Variants in ESRRG observed in about 807,000 individuals in gnomAD.
ESRRG encodes estrogen related receptor gamma.
A neutral mutation model predicts 44.0 loss-of-function variants in ESRRG; 13 were observed. The observed-to-expected ratio is 0.30, with a 90% confidence interval of 0.19 to 0.47. The LOEUF is 0.47. ESRRG is among the 20% of genes least tolerant of loss of function. ESRRG has a pLI of 1.00. For missense variants in ESRRG, 395 were observed against 580.6 expected (o/e 0.68, Z 3.29); for synonymous variants, 215 against 214.6 (o/e 1.00, Z -0.02).
chr1:216,755,793 T>G (rs907466308), intron 2 of ESRRG, among the ~76,000 whole-genome samples: 13 of 152,066 alleles, frequency 8.5e-5, no homozygotes, highest in Non-Finnish European at 1.8e-4. Context: ...TGCTAAGGAT[T>G]TACTTTGCAA....
chr1:216,799,501 C>T (rs973184374), intron 2 of ESRRG, among the ~76,000 whole-genome samples: 1 of 151,988 alleles, frequency 6.6e-6, no homozygotes, highest in Non-Finnish European at 1.5e-5. Flanking sequence ...CCTCCAGGAG[C>T]TCACAATTTA....
intron 1 of ESRRG, among the ~76,000 whole-genome samples, chr1:216,945,016 A>G (rs1479110331): frequency 6.6e-6 from 1 of 152,138 alleles, no homozygotes; most frequent in Non-Finnish European, 1.5e-5. Context: ...ATGACATAAC[A>G]CTTCTGATGA....
intron 2 of ESRRG, among the ~76,000 whole-genome samples, chr1:216,798,784 T>C (rs1373255462): frequency 3.3e-5 from 5 of 152,136 alleles, no homozygotes; most frequent in African/African-American, 1.2e-4. Context: ...TCTCTTACCT[T>C]AGTTTCTTCA....
chr1:216,919,205 TGCTCA>T (rs2061537555), intron 2 of ESRRG, among the ~76,000 whole-genome samples: 1 of 152,136 alleles, frequency 6.6e-6, no homozygotes, highest in Non-Finnish European at 1.5e-5. Context: ...AGGCCTCACG[TGCTCA>T]TTGGCTCTGG....
At chr1:217,125,283 T>C (rs1294991498) in intron 1 of ESRRG, among the ~76,000 whole-genome samples, 1 of 152,176 alleles carries the variant, frequency 6.6e-6, no homozygotes. Flanking sequence ...GACCTAGCAG[T>C]TGTTGTCTGT....
intron 2 of ESRRG, among the ~76,000 whole-genome samples, chr1:216,767,407 G>A (rs139294077): frequency 2.0e-5 from 3 of 152,198 alleles, no homozygotes; most frequent in African/African-American, 4.8e-5. Context: ...TATGTTAACT[G>A]CAATCTAATC....
intron 2 of ESRRG, among the ~76,000 whole-genome samples, chr1:216,841,258 C>T (rs1361347809): frequency 2.6e-5 from 4 of 151,912 alleles, no homozygotes; most frequent in African/African-American, 4.8e-5. Flanking sequence ...GAGAGAAACA[C>T]GCACACTCAG....
chr1:217,058,856 T>A (rs868172403), intron 1 of ESRRG, among the ~76,000 whole-genome samples: 95 of 148,106 alleles, frequency 6.4e-4, no homozygotes, highest in African/African-American at 2.3e-3. Context: ...AACTCATAAG[T>A]TCATAAAACA....
At chr1:216,965,429 A>G (rs2070105518) in intron 1 of ESRRG, among the ~76,000 whole-genome samples, 1 of 152,144 alleles carries the variant, frequency 6.6e-6, no homozygotes, top group Non-Finnish European at 1.5e-5. Context: ...TATCACCACA[A>G]TCATCTCATC....
chr1:216,548,140 G>T (rs921983673), intron 5 of ESRRG, among the ~76,000 whole-genome samples: 1 of 152,076 alleles, frequency 6.6e-6, no homozygotes, highest in Non-Finnish European at 1.5e-5. Flanking sequence ...ATGGACAAAA[G>T]AAAAGGTACG....
chr1:216,990,485 G>A (rs1485536634), intron 1 of ESRRG, among the ~76,000 whole-genome samples: 1 of 151,944 alleles, frequency 6.6e-6, no homozygotes, highest in Non-Finnish European at 1.5e-5. Flanking sequence ...TTCATATAGT[G>A]TTGACCCTTG....
chr1:216,684,625 A>G (rs2077593426), intron 1 of ESRRG, among the ~76,000 whole-genome samples: 1 of 152,236 alleles, frequency 6.6e-6, no homozygotes, highest in South Asian at 2.1e-4. Flanking sequence ...TACACAGTTT[A>G]TATGAACCGT....
intron 3 of ESRRG, among the ~76,000 whole-genome samples, chr1:216,581,478 C>T (rs7550258): frequency 0.83 from 126,204 of 152,142 alleles, 52,675 homozygotes; most frequent in African/African-American, 0.87. Flanking sequence ...CCCAGCCACA[C>T]GATTCTGTGA....
chr1:217,045,335 G>T (rs1466444825), intron 1 of ESRRG, among the ~76,000 whole-genome samples: 1 of 152,150 alleles, frequency 6.6e-6, no homozygotes, highest in Non-Finnish European at 1.5e-5. Flanking sequence ...CAGGAACCAG[G>T]AAACCATTGA....
At chr1:216,940,013 A>G (rs2064949380) in intron 1 of ESRRG, among the ~76,000 whole-genome samples, 1 of 152,192 alleles carries the variant, frequency 6.6e-6, no homozygotes, top group Non-Finnish European at 1.5e-5. Flanking sequence ...TTTCCATTAT[A>G]ATACCCATAT....
At chr1:216,755,973 A>G (rs567908371) in intron 2 of ESRRG, among the ~76,000 whole-genome samples, 1 of 152,146 alleles carries the variant, frequency 6.6e-6, no homozygotes, top group African/African-American at 2.4e-5. Flanking sequence ...GGGAATCTAA[A>G]AAAACTAACT....
intron 1 of ESRRG, among the ~76,000 whole-genome samples, chr1:217,053,721 T>C (rs1385634016): frequency 6.6e-6 from 1 of 152,122 alleles, no homozygotes; most frequent in Admixed American, 6.5e-5. Context: ...TGTTTTGTTT[T>C]TTACCCTGAT....
chr1:216,955,597 A>G (rs921882705), intron 1 of ESRRG, among the ~76,000 whole-genome samples: 1 of 152,078 alleles, frequency 6.6e-6, no homozygotes, highest in Non-Finnish European at 1.5e-5. Flanking sequence ...TTCTATTTTT[A>G]GGTTTTTTTA....
chr1:216,539,665 G>A (rs370695409), intron 5 of ESRRG, among the ~76,000 whole-genome samples: 3 of 152,044 alleles, frequency 2.0e-5, no homozygotes, highest in Non-Finnish European at 4.4e-5. Flanking sequence ...CTGCTGGATC[G>A]CTAGTGTTTA....
Sources: allele counts gnomAD v4.1 joint callset (sites outside exome capture counted in the v4.1 genomes callset), GRCh38; gene constraint gnomAD v4.1.1; transcripts MANE v1.5; gene names NCBI Gene and HGNC (gene_info 2026-07-23, HGNC 2026-07-21).